REPS2: variants seen among roughly 807,000 people sequenced by gnomAD.
REPS2 encodes RALBP1 associated Eps domain containing 2.
In REPS2, 23 loss-of-function variants were observed where a neutral mutation model predicts 53.6. That is an observed-to-expected ratio of 0.43 (90% CI 0.31 to 0.61). The LOEUF (loss-of-function observed/expected upper bound fraction) is 0.61. Ranked by LOEUF, REPS2 falls within the 20% of genes least tolerant of loss-of-function variation. The pLI is 0.11. For missense variants in REPS2, 446 were observed against 534.9 expected (o/e 0.83, Z 1.64); for synonymous variants, 238 against 218.6 (o/e 1.09, Z -0.78).
At chrX:17,019,313 C>T (rs766404111) in intron 2 of REPS2, among the ~76,000 whole-genome samples, 2 of 112,113 alleles carry the variant, frequency 1.8e-5, no homozygotes, top group Admixed American at 9.5e-5. Flanking sequence ...AAATTGTCAT[C>T]TTGGATGGCC....
intron 1 of REPS2, among the ~76,000 whole-genome samples, chrX:16,965,614 C>A (rs2060750479): frequency 9.0e-6 from 1 of 111,520 alleles, no homozygotes; most frequent in Non-Finnish European, 1.9e-5. Flanking sequence ...GTGCTCCCCA[C>A]ATCTCAGACG....
the REPS2 span, among the ~76,000 whole-genome samples, chrX:17,173,011 T>G: frequency 9.2e-6 from 1 of 108,438 alleles, no homozygotes; most frequent in Non-Finnish European, 1.9e-5. Context: ...GTGTGCATCA[T>G]AGTCCTTTAT....
chrX:17,050,411 AT>A (rs767223621), intron 6 of REPS2, among the ~76,000 whole-genome samples: 1 of 106,041 alleles, frequency 9.4e-6, no homozygotes, highest in South Asian at 4.2e-4. Flanking sequence ...TGTTTTCTAT[AT>A]TTAGTTGTGT....
chrX:16,954,667 C>A (rs2060569438), intron 1 of REPS2, among the ~76,000 whole-genome samples: 1 of 111,108 alleles, frequency 9.0e-6, no homozygotes, highest in South Asian at 3.8e-4. Context: ...GAAAAAGTAA[C>A]CAACTGAAGA....
the REPS2 span, among the ~76,000 whole-genome samples, chrX:17,183,528 T>C: frequency 8.9e-6 from 1 of 112,437 alleles, no homozygotes; most frequent in African/African-American, 3.2e-5. Flanking sequence ...GCATATGTGC[T>C]GTATGAGGCA....
intron 14 of REPS2, among the ~76,000 whole-genome samples, chrX:17,121,317 C>T (rs1443166810): frequency 8.9e-6 from 1 of 112,394 alleles, no homozygotes; most frequent in Non-Finnish European, 1.9e-5. Flanking sequence ...GGTAAACCTT[C>T]TCCCCTGCGG....
intron 11 of REPS2, 146 bp downstream of exon 11, chrX:17,070,139 C>G (rs1344302619): frequency 4.7e-5 from 15 of 316,213 alleles, no homozygotes. Flanking sequence ...ACAAGGAAAC[C>G]TTTTGGCTTT....
intron 1 of REPS2, among the ~76,000 whole-genome samples, chrX:16,951,560 C>CACACACACA (rs1555906117): frequency 1.5e-3 from 29 of 19,901 alleles, no homozygotes; most frequent in East Asian, 6.4e-3. Context: ...CACACACACA[C>CACACACACA]CCCCGCTACC....
intron 14 of REPS2, among the ~76,000 whole-genome samples, chrX:17,120,614 C>T (rs771415313): frequency 3.6e-5 from 4 of 111,391 alleles, no homozygotes; most frequent in Non-Finnish European, 7.5e-5. Flanking sequence ...AGAACAGACT[C>T]CAGATAGCTA....
At chrX:16,947,686 C>G (rs2060457964) in intron 1 of REPS2, among the ~76,000 whole-genome samples, 1 of 111,814 alleles carries the variant, frequency 8.9e-6, no homozygotes, top group African/African-American at 3.3e-5. Context: ...AATATTAAAT[C>G]GAAAACCTTA....
At chrX:17,142,974 A>C (rs1032492292) in intron 17 of REPS2, among the ~76,000 whole-genome samples, 2 of 112,793 alleles carry the variant, frequency 1.8e-5, no homozygotes, top group African/African-American at 6.4e-5. Context: ...GGATACATTC[A>C]TACAATGGAA....
At chrX:17,133,469 G>T in intron 14 of REPS2, among the ~76,000 whole-genome samples, 1 of 111,399 alleles carries the variant, frequency 9.0e-6, no homozygotes, top group Non-Finnish European at 1.9e-5. Context: ...GATTGTTTTT[G>T]TTGGTGCTCA....
intron 5 of REPS2, among the ~76,000 whole-genome samples, chrX:17,042,781 A>G (rs2061849579): frequency 9.0e-6 from 1 of 111,266 alleles, no homozygotes. Flanking sequence ...GGTACTTACC[A>G]TGACTATCAT....
chrX:17,182,517 A>C, the REPS2 span, among the ~76,000 whole-genome samples: 4 of 111,846 alleles, frequency 3.6e-5, no homozygotes, highest in Non-Finnish European at 5.6e-5. Context: ...TCCACAGTTG[A>C]GAACTCAAGG....
At chrX:17,103,861 C>T (rs753415495) in intron 14 of REPS2, 82 bp downstream of exon 14, 71 of 883,457 alleles carry the variant, frequency 8.0e-5, no homozygotes, top group Middle Eastern at 2.7e-4. Flanking sequence ...AAGGGTTGAT[C>T]GCCACAGATC....
intron 14 of REPS2, among the ~76,000 whole-genome samples, chrX:17,125,261 A>T (rs921346315): frequency 2.7e-5 from 3 of 111,323 alleles, no homozygotes; most frequent in African/African-American, 9.8e-5. Flanking sequence ...TATCTATAGA[A>T]CCATGTGGCA....
intron 1 of REPS2, among the ~76,000 whole-genome samples, chrX:16,988,469 C>T (rs977332698): frequency 1.8e-5 from 2 of 111,868 alleles, no homozygotes; most frequent in Non-Finnish European, 3.8e-5. Flanking sequence ...CAAATGGACA[C>T]TGAAATTAAA....
At chrX:16,964,322 G>A (rs1413354510) in intron 1 of REPS2, among the ~76,000 whole-genome samples, 1 of 109,722 alleles carries the variant, frequency 9.1e-6, no homozygotes, top group East Asian at 2.9e-4. Context: ...TACAGCACAT[G>A]TTTCAGAGAG....
the REPS2 span, among the ~76,000 whole-genome samples, chrX:17,175,861 C>A: frequency 8.9e-6 from 1 of 112,229 alleles, no homozygotes; most frequent in African/African-American, 3.2e-5. Context: ...AGGTCTTCTG[C>A]CTCAGAAAGG....
Sources: gnomAD v4.1 joint callset for allele counts (sites outside exome capture counted in the v4.1 genomes callset) on GRCh38, gnomAD v4.1.1 for gene constraint, MANE v1.5 for transcripts, NCBI Gene and HGNC (gene_info 2026-07-23, HGNC 2026-07-21) for gene names.